The following COL5A3 variants were observed in gnomAD, a reference collection of about 807,000 sequenced individuals.
The protein encoded by COL5A3 is collagen type V alpha 3 chain.
Under a neutral mutation model 250.0 loss-of-function variants are expected in COL5A3, and 172 were observed. That is an observed-to-expected ratio of 0.69 (90% CI 0.61 to 0.78). COL5A3 has a LOEUF of 0.78. Ranked by LOEUF, COL5A3 falls within the 30% of genes least tolerant of loss-of-function variation. The pLI, the probability that COL5A3 is intolerant of heterozygous loss-of-function variation, is 0.00. For missense variants in COL5A3, 2,340 were observed against 2,334.4 expected, an observed-to-expected ratio of 1.00 and a Z score of -0.05; for synonymous variants, 937 against 900.4, an observed-to-expected ratio of 1.04 and a Z score of -0.73.
chr19:9,966,889 G>A (rs1466198311), intron 62 of COL5A3, 143 bp from the exon 63 acceptor site: 2 of 662,016 alleles, frequency 3.0e-6, no homozygotes, highest in East Asian at 5.5e-5. Flanking sequence ...GGCAGAGATA[G>A]AGAAAGGAGA....
Position 9,981,001 on chromosome 19 carries a change from T to C in COL5A3, c.2505+87A>G, listed in dbSNP as rs2087001492. 5.2e-6 allele frequency: 8 copies of C among 1,533,270 alleles called. No individual in the cohort carries two copies. The South Asian group carries it at 9.0e-5, about 17-fold the overall frequency. The allele number at this position is 1,533,270 out of a possible 1,614,324, so 95.0% of individuals were successfully genotyped here. A position where few individuals can be genotyped will look rare whatever the true frequency, so the allele number is the denominator to read the frequency against. On this transcript the variant is annotated intron_variant, in intron 33 of 66. Transcript: ENST00000264828. ...ATTGATATAACCCAAACCCTTTCCC[T>C]GCCCACAGATGACCTCTCCACTACC...
Position 9,979,379 on chromosome 19 carries a change from A to G in COL5A3, c.2751T>C (p.Gly917=). Residue 917 remains glycine, a synonymous_variant, in exon 38 of 67, where the codon GGT becomes GGC. Coordinates refer to ENST00000264828, the MANE Select transcript of COL5A3 (RefSeq NM_015719.4). ...QGQTGPPGPA[G]VLGPQGKTGE... ...CCACTCTGACCTGAGGGCCTAAGACACCAGCTGGTCCAGGCGGGCCTGTCT... is the reference window on the plus strand; with the variant it reads ...CCACTCTGACCTGAGGGCCTAAGACGCCAGCTGGTCCAGGCGGGCCTGTCT... 6.2e-7 allele frequency: 1 copy of G among 1,614,150 alleles called. No homozygotes were observed. Among genetic ancestry groups the G allele is most frequent in the Non-Finnish European group, 8.5e-7 (1 of 1,180,010 alleles).
intron 4 of COL5A3, 35 bp downstream of exon 4, chr19:10,005,523 C>T (rs2087428706): frequency 6.2e-7 from 1 of 1,608,074 alleles, no homozygotes; most frequent in South Asian, 1.1e-5. Flanking sequence ...ACATCCCACC[C>T]TCTGCCTCAG....
chr19:9,989,486 C>T lies in COL5A3; in HGVS notation c.2029G>A (p.Gly677Arg). The change falls in exon 25 of 67, where the codon GGA becomes AGA. Residue 677 changes from glycine to arginine, a missense_variant. Gly to Arg is a moderately radical substitution (Grantham distance 125). Coordinates refer to ENST00000264828, the MANE Select transcript of COL5A3 (RefSeq NM_015719.4). ...PGNPGIPGLP[G>R]SDGPLGHPGH... ...GTTCTCACCAGAGGGCCATCGGATC[C>T]TGGGAGGCCTGGAATTCCTGGGTTT... The T allele has an allele frequency of 6.2e-7, 1 of 1,613,300 alleles. No homozygotes were observed. Among genetic ancestry groups the T allele is most frequent in the South Asian group, 1.1e-5 (1 of 90,936 alleles).
chr19:9,968,943 C>A lies in COL5A3; in HGVS notation c.4153-215G>T. 1.6e-6 allele frequency: 1 copy of A among 626,434 alleles called. No individual in the cohort carries two copies. The highest frequency in any genetic ancestry group is 3.0e-5 in the Admixed American group (1 of 33,548). 38.8% of individuals were successfully genotyped at this position (626,434 alleles called of 1,614,324 possible). ...ATGGACAACGTGAGTGGTCAGTGGC[C>A]AAGGTCAGCGTGGGTGATCAGTGTA... is the stretch of plus-strand genomic sequence containing the variant. On this transcript the variant is annotated intron_variant, in intron 57 of 66. Transcript: ENST00000264828. The surrounding 1 kb of genome is among the most constrained non-coding windows in gnomAD (Gnocchi z 4.1).
In COL5A3 at chr19:10,005,863, G is replaced by A; in HGVS notation, c.370C>T (p.Pro124Ser). Residue 124 changes from proline to serine, a missense_variant, in exon 3 of 67, where the codon CCA becomes TCA. By Grantham distance (74) the Pro-to-Ser change is moderately conservative. Around this residue, in one of 3 missense-constraint regions of COL5A3, gnomAD observed 1,152 missense variants for 1,146.3 expected, o/e 1.00. Transcript: ENST00000264828. ...GGGTCACCTAGGAGACCCAGCGCTG[G>A]CCCCAGTGCCAGGCCCAACTGCCGG... ...GARQLGLALGPALGLLGDPFR... is the reference protein window; with the variant it reads ...GARQLGLALGSALGLLGDPFR... 1 of 1,613,750 alleles carries A rather than the reference G, an allele frequency of 6.2e-7. No homozygotes were observed. The highest frequency in any genetic ancestry group is 1.7e-4 in the Middle Eastern group (1 of 6,042).
At chr19:9,996,563 C>G (rs1437904710) in intron 12 of COL5A3, 47 bp from the exon 13 acceptor site, 10 of 1,613,444 alleles carry the variant, frequency 6.2e-6, no homozygotes, top group Non-Finnish European at 8.5e-6. Context: ...GAGGCCCCCT[C>G]CTGGATCAGG....
At chr19:9,982,361 G>A (rs1326960475) in intron 31 of COL5A3, among the ~76,000 whole-genome samples, 1 of 151,972 alleles carries the variant, frequency 6.6e-6, no homozygotes, top group Admixed American at 6.6e-5. Flanking sequence ...TTGTCTCCTA[G>A]GCCTCCACAA....
Position 9,996,534 on chromosome 19 carries a change from G to A in COL5A3, c.1339-18C>T. ...AACTGGAACTGGGAGGAATTTAGTG[G>A]TGAGGGAAGCCCCCAGGAGAGGCCC... On this transcript the variant is annotated intron_variant, in intron 12 of 66. Coordinates refer to ENST00000264828, the MANE Select transcript of COL5A3 (RefSeq NM_015719.4). The A allele has an allele frequency of 6.2e-7, 1 of 1,613,938 alleles. No homozygotes were observed. The highest frequency in any genetic ancestry group is 2.2e-5 in the East Asian group (1 of 44,874).
intron 61 of COL5A3, 199 bp from the exon 62 acceptor site, chr19:9,967,599 C>G (rs1204240276): frequency 6.9e-6 from 4 of 577,708 alleles, no homozygotes; most frequent in Non-Finnish European, 6.0e-6. Flanking sequence ...CATTAGGCAT[C>G]AGACACAAAT....
chr19:9,980,045 G>GC lies in COL5A3; in HGVS notation c.2606dup (p.Leu870ProfsTer22). 6.3e-7 allele frequency: 1 copy of GC among 1,595,482 alleles called. No homozygotes were observed. Among genetic ancestry groups the GC allele is most frequent in the Non-Finnish European group, 8.5e-7 (1 of 1,175,336 alleles). ...CTGGAGGGCCTTGCAGACCAGGGAG[G>GC]CCCTGAAATGGAAACAGAAATCATG... On this transcript the variant is annotated frameshift_variant and splice_region_variant, in exon 36 of 67. Coordinates refer to ENST00000264828, the MANE Select transcript of COL5A3 (RefSeq NM_015719.4). LOFTEE classifies it high-confidence loss of function.
intron 1 of COL5A3, among the ~76,000 whole-genome samples, chr19:10,006,571 C>T (rs886092615): frequency 7.9e-5 from 12 of 152,140 alleles, no homozygotes; most frequent in South Asian, 4.1e-4. Context: ...TGCTCTCCCG[C>T]GCAGGCTCCC....
Position 9,962,874 on chromosome 19 carries a change from G to A in COL5A3, c.4796C>T (p.Ser1599Phe). The A allele has an allele frequency of 6.2e-7, 1 of 1,610,344 alleles. No homozygotes were observed. Residue 1599 changes from serine to phenylalanine, a missense_variant, in exon 65 of 67, where the codon TCC becomes TTC. Ser to Phe is a radical substitution (Grantham distance 155). Coordinates refer to ENST00000264828, the MANE Select transcript of COL5A3 (RefSeq NM_015719.4). ...GCCTCCAGGCTTTTCCTTGGACCAG[G>A]AGGCCAATTTCACCTGGAAGAGAAA... ...DKKFEIVKLA[S>F]WSKEKPGGWY...
intron 1 of COL5A3, 125 bp from the exon 2 acceptor site, chr19:10,006,356 T>A (rs749991872): frequency 1.1e-6 from 1 of 930,558 alleles, no homozygotes; most frequent in Non-Finnish European, 1.5e-6. Flanking sequence ...TCCCACCATG[T>A]TTGTGGCTCA....
At position 10,006,113 on chromosome 19, in the gene COL5A3, C is replaced by T. The variant is rs758793052; in HGVS notation, c.207G>A (p.Gln69=). The part of the protein sequence containing the change: ...PEGDRAFRIG[Q]ASTLGIPTWE... ...ACGTGGGGATGCCGAGCGTGCTGGC[C>T]TGGCCAATTCTGAATGCCCGGTCAC... The change falls in exon 2 of 67, where the codon CAG becomes CAA. Residue 69 remains glutamine, a synonymous_variant. Coordinates refer to ENST00000264828, the MANE Select transcript of COL5A3 (RefSeq NM_015719.4). 1 of 1,613,982 alleles carries T rather than the reference C, an allele frequency of 6.2e-7. No individual in the cohort carries two copies. The highest frequency in any genetic ancestry group is 2.2e-5 in the East Asian group (1 of 44,868).
intron 8 of COL5A3, 119 bp downstream of exon 8, chr19:10,001,405 C>T: frequency 9.6e-7 from 1 of 1,038,968 alleles, no homozygotes. Context: ...CCTAGGTCTC[C>T]CAAAGTGTTC....
At chr19:9,965,150 CTTTTTCTTT>C (rs1568402471) in intron 64 of COL5A3, among the ~76,000 whole-genome samples, 1 of 137,608 alleles carries the variant, frequency 7.3e-6, no homozygotes, top group Non-Finnish European at 1.6e-5. Flanking sequence ...TTTTTCTTTT[CTTTTTCTTT>C]TTTTTTTTTT....
Position 10,010,348 on chromosome 19 carries a change from C to A in COL5A3, c.38G>T (p.Gly13Val). 3 of 1,470,052 alleles carry A rather than the reference C, an allele frequency of 2.0e-6. No individual in the cohort carries two copies. The highest frequency in any genetic ancestry group is 1.4e-5 in the South Asian group (1 of 73,518). 91.1% of individuals were successfully genotyped at this position (1,470,052 alleles called of 1,614,324 possible). ...CAGCGCGGCCAGGAGCAGGCAGAGA[C>A]CGGCCCGCGGCTGGCCCAGGTCCCG... ...NRRDLGQPRA[G>V]LCLLLAALQL... is the part of the protein sequence containing the mutation. The change falls in exon 1 of 67, where the codon GGT becomes GTT. Residue 13 changes from glycine to valine, a missense_variant. Physicochemically the swap from Gly to Val is moderately radical, Grantham distance 109. Around this residue, in one of 3 missense-constraint regions of COL5A3, gnomAD observed 1,152 missense variants for 1,146.3 expected, o/e 1.00. Transcript: ENST00000264828.
chr19:9,999,425 G>A (rs2087323595), intron 8 of COL5A3, among the ~76,000 whole-genome samples: 2 of 150,446 alleles, frequency 1.3e-5, no homozygotes, highest in African/African-American at 4.9e-5. Context: ...CTCAAACTGG[G>A]AGCCACTGCA....
Sources: allele counts gnomAD v4.1 joint callset (sites outside exome capture counted in the v4.1 genomes callset), GRCh38; gene constraint gnomAD v4.1.1; regional missense constraint gnomAD v4.1.1; non-coding constraint Gnocchi (gnomAD v3.1); transcripts MANE v1.5; gene names NCBI Gene and HGNC (gene_info 2026-07-23, HGNC 2026-07-21).